STK38L: variants seen among roughly 807,000 people sequenced by gnomAD.
STK38L encodes serine/threonine kinase 38 like, also known as serine/threonine-protein kinase 38-like.
In STK38L, 28 loss-of-function variants were observed where a neutral mutation model predicts 59.7. That is an observed-to-expected ratio of 0.47 (90% confidence interval 0.35 to 0.64). STK38L has a LOEUF of 0.64. Among genes scored for constraint, STK38L ranks in the 30% least tolerant of loss-of-function variants. The pLI, the probability that STK38L is intolerant of heterozygous loss-of-function variation, is 0.01. For synonymous variants in STK38L, 162 were observed against 176.8 expected, an observed-to-expected ratio of 0.92 and a Z score of 0.66; for missense variants, 314 against 555.8, an observed-to-expected ratio of 0.56 and a Z score of 4.37.
intron 1 of STK38L, among the ~76,000 whole-genome samples, chr12:27,269,365 T>C (rs1389724632): frequency 5.9e-5 from 9 of 152,242 alleles, no homozygotes; most frequent in Non-Finnish European, 4.4e-5. Flanking sequence ...CAGCACCATT[T>C]ATTAAATAGG....
rs370441634 is a variant in STK38L at position 27,279,394 on chromosome 12, C to T, written c.-11-18316C>T. Among the ~76,000 whole-genome samples, 7 of 152,182 alleles carry T rather than the reference C, an allele frequency of 4.6e-5. No homozygotes were observed. The South Asian group carries it at 1.5e-3, about 32-fold the overall frequency. Reference sequence around the variant, plus strand: ...AAGCTCTATGCTTATATTCATGCTTCTAAGTCTTAGTACACATTTTTTCCC... The same window carrying T: ...AAGCTCTATGCTTATATTCATGCTTTTAAGTCTTAGTACACATTTTTTCCC... On this transcript the variant is annotated intron_variant, in intron 1 of 13. Transcript: ENST00000389032.
chr12:27,308,550 T>C lies in STK38L; in HGVS notation c.309+89T>C. 2.3e-6 allele frequency: 3 copies of C among 1,287,606 alleles called. No individual in the cohort carries two copies. The South Asian group carries it at 5.4e-5, about 23-fold the overall frequency. The allele number at this position is 1,287,606 out of a possible 1,614,324, so 79.8% of individuals were successfully genotyped here. A position where few individuals can be genotyped will look rare whatever the true frequency, so the allele number is the denominator to read the frequency against. On this transcript the variant is annotated intron_variant, in intron 4 of 13. Transcript: ENST00000389032. This position sits in a 1 kb window ranked among gnomAD's most constrained non-coding sequence, Gnocchi z 4.5. ...TGTTAAAATATAATTCCTGGCTGGG[T>C]GCGGTGGCTCACGCCTGTAATCCCA... is the stretch of plus-strand genomic sequence containing the variant.
At chr12:27,298,489 T>G (rs1215600162) in intron 2 of STK38L, 1 of 152,192 alleles carries the variant, frequency 6.6e-6, no homozygotes, top group Non-Finnish European at 1.5e-5. Context: ...CAAAAGCATT[T>G]ACAGTGCATA....
At chr12:27,317,673 T>C in intron 10 of STK38L, 1 of 722,448 alleles carries the variant, frequency 1.4e-6, no homozygotes, top group South Asian at 2.0e-5. Flanking sequence ...CGTATAAAAG[T>C]GGTTATCTAC....
intron 1 of STK38L, among the ~76,000 whole-genome samples, chr12:27,259,559 T>C (rs139474978): frequency 6.6e-5 from 10 of 152,326 alleles, no homozygotes; most frequent in African/African-American, 1.9e-4. Context: ...GGTAGAAATA[T>C]GTAAAAGGTC....
Position 27,255,228 on chromosome 12 carries a change from G to A in STK38L, c.-12+10896G>A, listed in dbSNP as rs151188492. Among the ~76,000 whole-genome samples, 379 of 152,242 alleles carry A rather than the reference G, an allele frequency of 2.5e-3. 3 individuals are homozygous for A. Among genetic ancestry groups the A allele is most frequent in the Admixed American group, 7.6e-3 (116 of 15,300 alleles). ...GGGAACATGTGTTTGAATTTTTACC[G>A]TAGTAAAACTGCATTTTCATACTAA... On this transcript the variant is annotated intron_variant, in intron 1 of 13. Coordinates refer to ENST00000389032, the MANE Select transcript of STK38L (RefSeq NM_015000.4).
rs895080878 is a variant in STK38L at position 27,293,404 on chromosome 12, T to G, written c.-11-4306T>G. Among the ~76,000 whole-genome samples the G allele has an allele frequency of 3.3e-5, 5 of 152,354 alleles. No individual in the cohort carries two copies. The East Asian group carries it at 9.6e-4, about 29-fold the overall frequency. ...CCTTATCCCAATCCCATTCAACATT[T>G]AAATTGAATAACAGTTCTCTTTGTT... On this transcript the variant is annotated intron_variant, in intron 1 of 13. Coordinates refer to ENST00000389032, the MANE Select transcript of STK38L (RefSeq NM_015000.4).
Position 27,309,392 on chromosome 12 carries a change from A to T in STK38L, c.393+195A>T, listed in dbSNP as rs558616667. 5.3e-5 allele frequency among the ~76,000 whole-genome samples: 8 copies of T among 152,294 alleles called. No homozygotes were observed. In the South Asian group the frequency reaches 1.7e-3, roughly 32 times the overall value. Reference sequence around the variant, plus strand: ...TTATAATCTATGTATGTCTGCTTAGACTTCCATAACAGAACACAACAGGCT... The same window carrying T: ...TTATAATCTATGTATGTCTGCTTAGTCTTCCATAACAGAACACAACAGGCT... On this transcript the variant is annotated intron_variant, in intron 5 of 13. Coordinates refer to ENST00000389032, the MANE Select transcript of STK38L (RefSeq NM_015000.4).
chr12:27,253,117 G>A (rs1215689415), intron 1 of STK38L, among the ~76,000 whole-genome samples: 5 of 152,182 alleles, frequency 3.3e-5, no homozygotes, highest in Non-Finnish European at 5.9e-5. Flanking sequence ...GACATGCCAC[G>A]CAGAGGGATT....
At position 27,319,528 on chromosome 12, in the gene STK38L, T is replaced by C. The variant is rs190396986; in HGVS notation, c.1175+105T>C. ...TGCTAGATTAAATACAAAAGTAACA[T>C]ATAATGTCATTAAGTGCAGTGTTTT... On this transcript the variant is annotated intron_variant, in intron 12 of 13. Coordinates refer to ENST00000389032, the MANE Select transcript of STK38L (RefSeq NM_015000.4). 48 of 723,002 alleles carry C rather than the reference T, an allele frequency of 6.6e-5. 1 individual carries two copies. The highest frequency in any genetic ancestry group is 4.5e-4 in the East Asian group (17 of 38,104). The allele number at this position is 723,002 out of a possible 1,614,324, so 44.8% of individuals were successfully genotyped here. A position where few individuals can be genotyped will look rare whatever the true frequency, so the allele number is the denominator to read the frequency against.
chr12:27,315,059 G>A lies in STK38L; in HGVS notation c.717G>A (p.Lys239=). The A allele has an allele frequency of 1.9e-6, 3 of 1,613,350 alleles. No homozygotes were observed. The highest frequency in any genetic ancestry group is 2.5e-6 in the Non-Finnish European group (3 of 1,179,776). ...LSDFGLCTGL[K]KAHRTEFYRN... ...ATTTTGGTTTATGTACGGGATTAAAGAAAGCTCACAGGACTGAATTTTATA... is the reference window on the plus strand; with the variant it reads ...ATTTTGGTTTATGTACGGGATTAAAAAAAGCTCACAGGACTGAATTTTATA... The change falls in exon 8 of 14, where the codon AAG becomes AAA. Residue 239 remains lysine, a synonymous_variant. Transcript: ENST00000389032.
At chr12:27,312,410 G>C in intron 5 of STK38L, 139 bp from the exon 6 acceptor site, 1 of 876,304 alleles carries the variant, frequency 1.1e-6, no homozygotes, top group South Asian at 1.9e-5. Flanking sequence ...ATGAGAATAC[G>C]AACATTCATA....
intron 1 of STK38L, among the ~76,000 whole-genome samples, chr12:27,247,106 A>G (rs1165505967): frequency 6.6e-6 from 1 of 152,232 alleles, no homozygotes; most frequent in Non-Finnish European, 1.5e-5. Context: ...GTCATATGAT[A>G]ATGATGATAA....
At chr12:27,293,585 A>C (rs368067817) in intron 1 of STK38L, 1 of 138,100 alleles carries the variant, frequency 7.2e-6, no homozygotes, top group African/African-American at 2.6e-5. Context: ...GCCCTGAGAC[A>C]CTGGCAGCTG....
intron 1 of STK38L, among the ~76,000 whole-genome samples, chr12:27,291,100 T>A (rs1297367202): frequency 6.6e-6 from 1 of 152,180 alleles, no homozygotes; most frequent in East Asian, 1.9e-4. Flanking sequence ...AATGTAATAT[T>A]CTTAGAAGAA....
At chr12:27,296,492 A>G (rs1944025303) in intron 1 of STK38L, among the ~76,000 whole-genome samples, 1 of 152,208 alleles carries the variant, frequency 6.6e-6, no homozygotes, top group Non-Finnish European at 1.5e-5. Context: ...GACTTGCTTG[A>G]CATCTTTTGG....
intron 1 of STK38L, among the ~76,000 whole-genome samples, chr12:27,267,964 A>G (rs1467774311): frequency 1.3e-5 from 2 of 152,208 alleles, no homozygotes; most frequent in Admixed American, 6.5e-5. Flanking sequence ...CATGCATTCA[A>G]GATGCATGTA....
chr12:27,265,909 A>G (rs1943292239), intron 1 of STK38L, among the ~76,000 whole-genome samples: 1 of 152,190 alleles, frequency 6.6e-6, no homozygotes, highest in African/African-American at 2.4e-5. Flanking sequence ...AAGGCTGAGG[A>G]TTGGGCCTAG....
rs539321333 is a variant in STK38L, at chr12:27,246,183, A to G, written c.-12+1851A>G. Among the ~76,000 whole-genome samples the G allele has an allele frequency of 2.4e-4, 36 of 152,334 alleles. No homozygotes were observed. The South Asian group carries it at 7.5e-3, about 32-fold the overall frequency. On this transcript the variant is annotated intron_variant, in intron 1 of 13. Coordinates refer to ENST00000389032, the MANE Select transcript of STK38L (RefSeq NM_015000.4). ...AAATTGGACTTCCTAAAAAATGATA[A>G]CAAAGCAATGGACTCAGTTCAGCTG...
Sources: gnomAD v4.1 joint callset for allele counts (sites outside exome capture counted in the v4.1 genomes callset) on GRCh38, gnomAD v4.1.1 for gene constraint, Gnocchi (gnomAD v3.1) non-coding constraint, MANE v1.5 for transcripts, NCBI Gene and HGNC (gene_info 2026-07-23, HGNC 2026-07-21) for gene names.